Variants in MARK4 observed in about 807,000 individuals in gnomAD.
The protein encoded by MARK4 is MAP/microtubule affinity-regulating kinase 4.
A neutral mutation model predicts 81.5 loss-of-function variants in MARK4; 19 were observed. That is an observed-to-expected ratio of 0.23 (90% CI 0.16 to 0.34). The LOEUF (loss-of-function observed/expected upper bound fraction) is 0.34. Among genes scored for constraint, MARK4 ranks in the 10% least tolerant of loss-of-function variants. The probability of loss-of-function intolerance (pLI) is 1.00; values close to 1 mark genes in which losing one functional copy is unlikely to be tolerated. For synonymous variants in MARK4, 436 were observed against 439.0 expected (o/e 0.99, Z 0.08); for missense variants, 772 against 1,058.8 (o/e 0.73, Z 3.76).
At chr19:45,289,385 CAAAAAAAAAAAA>C (rs35129419) in intron 13 of MARK4, among the ~76,000 whole-genome samples, 19 of 51,528 alleles carry the variant, frequency 3.7e-4, no homozygotes, top group Admixed American at 5.4e-4. Context: ...GACTCTGTTT[CAAAAAAAAAAAA>C]AAAAAAAAAA....
intron 1 of MARK4, 136 bp downstream of exon 1, chr19:45,251,775 C>G: frequency 1.3e-6 from 1 of 768,138 alleles, no homozygotes. Context: ...CTCGACCCCT[C>G]CCGGACTTCC....
At chr19:45,253,725 C>T (rs749770830) in intron 1 of MARK4, among the ~76,000 whole-genome samples, 6 of 152,092 alleles carry the variant, frequency 3.9e-5, no homozygotes, top group Admixed American at 6.6e-5. Context: ...CAGGAGCCAG[C>T]GACGTGATGT....
chr19:45,255,641 GTAAAATGGAGA>G (rs1970298208), intron 1 of MARK4, among the ~76,000 whole-genome samples: 1 of 151,740 alleles, frequency 6.6e-6, no homozygotes, highest in Non-Finnish European at 1.5e-5. Flanking sequence ...TTCCCCACCT[GTAAAATGGAGA>G]TAATAGTGTG....
intron 1 of MARK4, among the ~76,000 whole-genome samples, chr19:45,258,711 A>G (rs1970341509): frequency 6.6e-6 from 1 of 152,036 alleles, no homozygotes; most frequent in Non-Finnish European, 1.5e-5. Flanking sequence ...AGGAAAAAAA[A>G]AAAGACAAGG....
intron 15 of MARK4, among the ~76,000 whole-genome samples, chr19:45,298,993 T>G (rs1430410390): frequency 6.7e-6 from 1 of 148,278 alleles, no homozygotes; most frequent in Non-Finnish European, 1.5e-5. Context: ...GGAGGATCAC[T>G]TGAACGCAGG....
intron 7 of MARK4, among the ~76,000 whole-genome samples, chr19:45,270,087 C>A (rs1970505920): frequency 6.6e-6 from 1 of 152,158 alleles, no homozygotes; most frequent in South Asian, 2.1e-4. Context: ...CTTGGCCTCC[C>A]AAAGTGCTGA....
chr19:45,286,479 G>A (rs1970744324), intron 12 of MARK4, among the ~76,000 whole-genome samples: 1 of 151,940 alleles, frequency 6.6e-6, no homozygotes, highest in Non-Finnish European at 1.5e-5. Flanking sequence ...GGAGGCCAAG[G>A]TGGGAGGATC....
At chr19:45,293,930 G>A (rs921173882) in intron 13 of MARK4, among the ~76,000 whole-genome samples, 3 of 152,150 alleles carry the variant, frequency 2.0e-5, no homozygotes, top group Non-Finnish European at 4.4e-5. Context: ...GGAAAAGGTA[G>A]GAGTAATGTT....
intron 14 of MARK4, among the ~76,000 whole-genome samples, chr19:45,295,064 A>G (rs576936231): frequency 6.6e-6 from 1 of 152,126 alleles, no homozygotes; most frequent in African/African-American, 2.4e-5. Flanking sequence ...ACAGTCACAA[A>G]TCTGTCCAGG....
At chr19:45,301,081 T>A (rs1304643677) in intron 16 of MARK4, among the ~76,000 whole-genome samples, 1 of 152,064 alleles carries the variant, frequency 6.6e-6, no homozygotes, top group Non-Finnish European at 1.5e-5. Flanking sequence ...CCCAACCTAG[T>A]CAGTGCCAGC....
Position 45,287,499 on chromosome 19 carries a change from G to A in MARK4, c.1329G>A (p.Gly443=), listed in dbSNP as rs771005536. 4.6e-6 allele frequency: 7 copies of A among 1,530,830 alleles called. No homozygotes were observed. Among genetic ancestry groups the A allele is most frequent in the Non-Finnish European group, 6.2e-6 (7 of 1,135,352 alleles). The allele number at this position is 1,530,830 out of a possible 1,614,324, so 94.8% of individuals were successfully genotyped here. Residue 443 remains glycine, a synonymous_variant, in exon 13 of 17, where the codon GGG becomes GGA. Coordinates refer to ENST00000262891, the MANE Select transcript of MARK4 (RefSeq NM_001199867.2). ...CCAAACGCAGCCCGACGAGCACGGG[G>A]GAGGCGGAGCTGAAGGAGGAGCGGC... ...LHPKRSPTST[G]EAELKEERLP...
At chr19:45,278,157 C>A in intron 9 of MARK4, 115 bp downstream of exon 9, 2 of 1,436,306 alleles carry the variant, frequency 1.4e-6, no homozygotes, top group Non-Finnish European at 1.9e-6. Flanking sequence ...CTGTGCCCAC[C>A]GAAGATCTGC....
intron 15 of MARK4, chr19:45,298,366 A>G: frequency 1.2e-6 from 1 of 861,902 alleles, no homozygotes; most frequent in Non-Finnish European, 1.8e-6. Context: ...ACAGAAGCAC[A>G]GCCTATGGAG....
intron 13 of MARK4, among the ~76,000 whole-genome samples, chr19:45,289,834 C>T (rs542027569): frequency 2.1e-4 from 32 of 151,930 alleles, no homozygotes; most frequent in Non-Finnish European, 1.6e-4. Context: ...TGGTGGCTCA[C>T]GCCTGTAATT....
intron 1 of MARK4, among the ~76,000 whole-genome samples, chr19:45,256,342 G>T (rs56170641): frequency 6.6e-6 from 1 of 152,208 alleles, no homozygotes; most frequent in Admixed American, 6.5e-5. Context: ...GAAAGCTGAG[G>T]CAGGAGAATC....
chr19:45,271,712 C>T lies in MARK4; in HGVS notation c.786+4C>T, dbSNP rs1970529906. Reference sequence around the variant, plus strand: ...CTTCGACGGGCACAACCTCAAGGTACCGAGAGGGGCTGGGTGCAGGGGCAT... The same window carrying T: ...CTTCGACGGGCACAACCTCAAGGTATCGAGAGGGGCTGGGTGCAGGGGCAT... On this transcript the variant is annotated splice_donor_region_variant and intron_variant, in intron 8 of 16. Transcript: ENST00000262891. This position sits in a 1 kb window ranked among gnomAD's most constrained non-coding sequence, Gnocchi z 4.1. 5.6e-6 allele frequency: 9 copies of T among 1,613,452 alleles called. No individual in the cohort carries two copies. Among genetic ancestry groups the T allele is most frequent in the Non-Finnish European group, 7.6e-6 (9 of 1,179,630 alleles).
At chr19:45,251,723 G>A in intron 1 of MARK4, 84 bp downstream of exon 1, 2 of 1,305,466 alleles carry the variant, frequency 1.5e-6, no homozygotes, top group Admixed American at 2.9e-5. Flanking sequence ...CGCCCCGCGA[G>A]CCCCTACCCT....
chr19:45,294,147 T>A (rs796897784), intron 13 of MARK4, among the ~76,000 whole-genome samples: 8 of 151,970 alleles, frequency 5.3e-5, no homozygotes, highest in African/African-American at 1.7e-4. Context: ...TCTCCAGGGG[T>A]CTCCCCTGAC....
chr19:45,264,831 G>A lies in MARK4; in HGVS notation c.422-9G>A. ...CTGACCCTGACCCCGCTCGGCCTCT[G>A]CCCTGCAGGAGAAGTGTTTGACTAC... is the stretch of plus-strand genomic sequence containing the variant. On this transcript the variant is annotated splice_polypyrimidine_tract_variant and intron_variant, in intron 5 of 16. Transcript: ENST00000262891. The A allele has an allele frequency of 6.2e-7, 1 of 1,614,116 alleles. No homozygotes were observed.
Sources: gnomAD v4.1 joint callset for allele counts (sites outside exome capture counted in the v4.1 genomes callset) on GRCh38, gnomAD v4.1.1 for gene constraint, Gnocchi (gnomAD v3.1) non-coding constraint, MANE v1.5 for transcripts, NCBI Gene and HGNC (gene_info 2026-07-23, HGNC 2026-07-21) for gene names.